FSAF1: variants seen among roughly 807,000 people sequenced by gnomAD.
FSAF1 encodes the protein uncharacterized protein C1orf131.
chr1:231,234,014 C>T, the FSAF1 span, among the ~76,000 whole-genome samples: 4 of 152,160 alleles, frequency 2.6e-5, no homozygotes, highest in African/African-American at 9.7e-5. This position sits in a 1 kb window ranked among gnomAD's most constrained non-coding sequence, Gnocchi z 4.0. Context: ...AGGCAAGTAA[C>T]TTAACCTCTT....
At chr1:231,230,898 C>T in the FSAF1 span, among the ~76,000 whole-genome samples, 183 of 152,326 alleles carry the variant, frequency 1.2e-3, no homozygotes, top group South Asian at 0.022. Flanking sequence ...GCTTACCCAA[C>T]GCTCTTATTC....
At chr1:231,224,520 G>T in the FSAF1 span, 1 of 1,164,912 alleles carries the variant, frequency 8.6e-7, no homozygotes, top group East Asian at 2.5e-5. Flanking sequence ...ACTCCTGGTC[G>T]CCTGCCATGC....
At chr1:231,225,780 G>A in the FSAF1 span, 1 of 481,214 alleles carries the variant, frequency 2.1e-6, no homozygotes, top group Non-Finnish European at 3.8e-6. Context: ...CTTGATCCCA[G>A]GAGTTCAAGA....
chr1:231,225,280 C>T, the FSAF1 span: 1 of 593,412 alleles, frequency 1.7e-6, no homozygotes. Context: ...GGAGAAACTT[C>T]CTAATTCAGT....
chr1:231,239,224 T>G, the FSAF1 span: 4 of 1,498,672 alleles, frequency 2.7e-6, no homozygotes, highest in Non-Finnish European at 2.7e-6. Context: ...AATAAATATT[T>G]TCAGTCTTAG....
the FSAF1 span, chr1:231,224,255 C>A: frequency 6.2e-7 from 1 of 1,600,024 alleles, no homozygotes; most frequent in African/African-American, 1.3e-5. Context: ...TTGTTCCCAT[C>A]CTCGTTTTAT....
At chr1:231,224,514 C>T in the FSAF1 span, 1 of 1,251,974 alleles carries the variant, frequency 8.0e-7, no homozygotes, top group Non-Finnish European at 1.1e-6. Flanking sequence ...CTGCAAACTC[C>T]TGGTCGCCTG....
chr1:231,224,763 A>G, the FSAF1 span: 2 of 245,170 alleles, frequency 8.2e-6, no homozygotes, highest in Non-Finnish European at 1.6e-5. Context: ...GCCTCTCTAC[A>G]ATACTTGCCA....
the FSAF1 span, among the ~76,000 whole-genome samples, chr1:231,236,489 T>C: frequency 1.3e-5 from 2 of 152,140 alleles, no homozygotes; most frequent in Non-Finnish European, 2.9e-5. Context: ...CCAACTAGAA[T>C]GCATCAGGGC....
the FSAF1 span, chr1:231,225,051 A>C: frequency 2.2e-5 from 4 of 181,614 alleles, no homozygotes; most frequent in East Asian, 5.6e-4. Flanking sequence ...AGACAGAGAA[A>C]AAGGCATTTG....
the FSAF1 span, among the ~76,000 whole-genome samples, chr1:231,231,110 T>C: frequency 2.0e-5 from 3 of 152,220 alleles, no homozygotes; most frequent in African/African-American, 7.2e-5. Context: ...TTCATCTTCC[T>C]TCCTGGCTTC....
the FSAF1 span, among the ~76,000 whole-genome samples, chr1:231,228,407 T>C: frequency 1.3e-5 from 2 of 152,108 alleles, no homozygotes; most frequent in South Asian, 4.2e-4. Context: ...AAAACCAGCT[T>C]GACGACCATG....
At chr1:231,236,269 G>C in the FSAF1 span, among the ~76,000 whole-genome samples, 3,110 of 152,136 alleles carry the variant, frequency 0.02, 120 homozygotes, top group African/African-American at 0.072. Context: ...TTTCCACACC[G>C]CAATGTCAAC....
At chr1:231,228,857 C>T in the FSAF1 span, among the ~76,000 whole-genome samples, 6 of 152,150 alleles carry the variant, frequency 3.9e-5, no homozygotes, top group East Asian at 1.2e-3. Flanking sequence ...GGTGTGGTTG[C>T]AGGCACCTGT....
At chr1:231,228,997 A>T in the FSAF1 span, among the ~76,000 whole-genome samples, 37 of 152,332 alleles carry the variant, frequency 2.4e-4, no homozygotes, top group African/African-American at 8.4e-4. Flanking sequence ...CTCAAAATAA[A>T]AACTGTTAAT....
At chr1:231,227,593 T>G in the FSAF1 span, among the ~76,000 whole-genome samples, 2 of 142,376 alleles carry the variant, frequency 1.4e-5, no homozygotes, top group African/African-American at 2.6e-5. Flanking sequence ...CGGTTTTTTT[T>G]TTTTTTTTTT....
chr1:231,241,158 C>A, the FSAF1 span: 1 of 1,601,134 alleles, frequency 6.2e-7, no homozygotes, highest in Non-Finnish European at 8.5e-7. Flanking sequence ...GCGCTGCACC[C>A]CCGCTTCCGG....
At chr1:231,226,609 T>C in the FSAF1 span, 2 of 825,794 alleles carry the variant, frequency 2.4e-6, no homozygotes, top group Non-Finnish European at 4.1e-6. Context: ...CTCGAAGAAA[T>C]GGGGAGCATG....
At chr1:231,227,177 G>A in the FSAF1 span, 364,241 of 1,127,516 alleles carry the variant, frequency 0.32, 60,397 homozygotes, top group Admixed American at 0.44. Flanking sequence ...TAATGACAGC[G>A]TACAGGAATA....
Sources: allele counts gnomAD v4.1 joint callset (sites outside exome capture counted in the v4.1 genomes callset), GRCh38; gene constraint gnomAD v4.1.1; non-coding constraint Gnocchi (gnomAD v3.1); transcripts MANE v1.5; gene names NCBI Gene and HGNC (gene_info 2026-07-23, HGNC 2026-07-21).